The following BMP1 variants were observed in gnomAD, a reference collection of about 807,000 sequenced individuals.
BMP1 encodes the protein bone morphogenetic protein 1, also known as mammalian tolloid protein.
A neutral mutation model predicts 116.8 loss-of-function variants in BMP1; 63 were observed. That is an observed-to-expected ratio of 0.54 (90% CI 0.44 to 0.67). The LOEUF is 0.67. Among genes scored for constraint, BMP1 ranks in the 30% least tolerant of loss-of-function variants. BMP1 has a pLI of 0.00. For missense variants in BMP1, 1,183 were observed against 1,358.9 expected, an observed-to-expected ratio of 0.87 and a Z score of 2.04; for synonymous variants, 536 against 533.4, an observed-to-expected ratio of 1.00 and a Z score of -0.07.
At chr8:22,177,584 C>G in intron 5 of BMP1, 1 of 747,730 alleles carries the variant, frequency 1.3e-6, no homozygotes, top group Non-Finnish European at 2.5e-6. Context: ...CCACTCTTCA[C>G]TGCTCCTTCT....
At chr8:22,188,417 G>A (rs1226718990) in intron 8 of BMP1, among the ~76,000 whole-genome samples, 5 of 151,974 alleles carry the variant, frequency 3.3e-5, no homozygotes, top group Admixed American at 2.0e-4. Flanking sequence ...CGATCCTTCC[G>A]CCTCAGTCAC....
intron 15 of BMP1, chr8:22,201,082 C>G: frequency 6.2e-7 from 1 of 1,601,880 alleles, no homozygotes; most frequent in Non-Finnish European, 8.5e-7. Context: ...CACCCCCACC[C>G]CTTGGTCCCT....
intron 2 of BMP1, among the ~76,000 whole-genome samples, 196 bp downstream of exon 2, chr8:22,173,911 A>G (rs573394303): frequency 3.7e-4 from 57 of 152,358 alleles, no homozygotes; most frequent in African/African-American, 1.3e-3. Flanking sequence ...ATCCCCAGCA[A>G]CTAAGAACTG....
At position 22,194,795 on chromosome 8, in the gene BMP1, C is replaced by T; in HGVS notation, c.1515C>T (p.Leu505=). ...VRDGHSESST[L]IGRYCGYEKP... ...ACGGGCACAGTGAGAGCAGCACCCT[C>T]ATCGGGCGCTACTGTGGCTATGAGA... The change falls in exon 12 of 20, where the codon CTC becomes CTT. Residue 505 remains leucine (L), a synonymous_variant. Transcript: ENST00000306385. This position sits in a 1 kb window ranked among gnomAD's most constrained non-coding sequence, Gnocchi z 4.5. The T allele has an allele frequency of 1.2e-6, 2 of 1,613,840 alleles. No individual in the cohort carries two copies. Among genetic ancestry groups the T allele is most frequent in the Non-Finnish European group, 1.7e-6 (2 of 1,179,916 alleles).
intron 15 of BMP1, among the ~76,000 whole-genome samples, chr8:22,200,093 C>T (rs552200594): frequency 6.6e-6 from 1 of 152,328 alleles, no homozygotes; most frequent in African/African-American, 2.4e-5. Flanking sequence ...CACTGGATCC[C>T]TCATCTTCCC....
In BMP1 at chr8:22,192,070, C is replaced by T. The variant is rs1370616884; in HGVS notation, c.1099C>T (p.Leu367=). The change falls in exon 9 of 20, where the codon CTG becomes TTG. Residue 367 remains leucine (L), a synonymous_variant. Coordinates refer to ENST00000306385, the MANE Select transcript of BMP1 (RefSeq NM_006129.5). ...GEKIILNFTS[L]DLYRSRLCWY... The stretch of plus-strand genomic sequence containing the variant: ...CTAGATCATCCTGAACTTCACGTCC[C>T]TGGACCTGTACCGCAGCCGCCTGTG... 1.9e-6 allele frequency: 3 copies of T among 1,613,938 alleles called. No homozygotes were observed. The highest frequency in any genetic ancestry group is 2.2e-5 in the East Asian group (1 of 44,876).
intron 8 of BMP1, among the ~76,000 whole-genome samples, chr8:22,183,092 C>G (rs569736691): frequency 6.6e-6 from 1 of 152,156 alleles, no homozygotes; most frequent in East Asian, 1.9e-4. Flanking sequence ...AAAAGTGAAC[C>G]CATTCTTCCT....
rs186406729 is a variant in BMP1, at chr8:22,170,340, G to C, written c.149-3262G>C. On this transcript the variant is annotated intron_variant, in intron 1 of 19. Coordinates refer to ENST00000306385, the MANE Select transcript of BMP1 (RefSeq NM_006129.5). ...AGCTGACTTTGAGCTTACGGGTTGT[G>C]TTGGGATAATATTAAAGTGGCTGGT... is the stretch of plus-strand genomic sequence containing the variant. The C allele has an allele frequency of 5.2e-5, 8 of 152,638 alleles. No homozygotes were observed. The East Asian group carries it at 1.5e-3, about 29-fold the overall frequency. The allele number at this position is 152,638 out of a possible 1,614,324, so 9.5% of individuals were successfully genotyped here.
At chr8:22,204,617 G>A (rs1829318938) in intron 16 of BMP1, among the ~76,000 whole-genome samples, 2 of 152,176 alleles carry the variant, frequency 1.3e-5, no homozygotes, top group Non-Finnish European at 1.5e-5. Flanking sequence ...CAACTGCTTG[G>A]GAGGCTGAGG....
chr8:22,196,586 C>T (rs1191840048), intron 13 of BMP1, 94 bp from the exon 14 acceptor site: 19 of 1,573,428 alleles, frequency 1.2e-5, no homozygotes, highest in Non-Finnish European at 1.6e-5. Context: ...CCACAGGCTC[C>T]CCATCTTCTC....
At chr8:22,196,009 C>T (rs945593587) in intron 13 of BMP1, among the ~76,000 whole-genome samples, 3 of 152,160 alleles carry the variant, frequency 2.0e-5, no homozygotes, top group African/African-American at 7.2e-5. Flanking sequence ...ACACTCTTTT[C>T]ATAGCTCATG....
chr8:22,196,270 G>A, intron 13 of BMP1: 1 of 538,408 alleles, frequency 1.9e-6, no homozygotes, highest in Non-Finnish European at 3.7e-6. Flanking sequence ...GCTGGGGACA[G>A]CACTCCGAGG....
chr8:22,195,442 C>A lies in BMP1; in HGVS notation c.1640-20C>A, dbSNP rs745970735. On this transcript the variant is annotated intron_variant, in intron 12 of 19. Transcript: ENST00000306385. Reference sequence around the variant, plus strand: ...CCTTGAATGCCTGGAGTCTGTGACACCCTTTCCTTCCCACCACAGAGGTGG... The same window carrying A: ...CCTTGAATGCCTGGAGTCTGTGACAACCTTTCCTTCCCACCACAGAGGTGG... 1.4e-5 allele frequency: 23 copies of A among 1,590,632 alleles called. No homozygotes were observed. The highest frequency in any genetic ancestry group is 9.5e-5 in the African/African-American group (7 of 73,420).
chr8:22,199,404 T>C (rs770617520), intron 15 of BMP1: 51 of 1,264,076 alleles, frequency 4.0e-5, no homozygotes, highest in Non-Finnish European at 5.2e-5. Context: ...GCCATCTCCT[T>C]GCCTGGGCCC....
In BMP1 at chr8:22,194,414, C is replaced by T; in HGVS notation, c.1298-31C>T. On this transcript the variant is annotated intron_variant, in intron 10 of 19. Coordinates refer to ENST00000306385, the MANE Select transcript of BMP1 (RefSeq NM_006129.5). This position sits in a 1 kb window ranked among gnomAD's most constrained non-coding sequence, Gnocchi z 4.5. ...CAGGGCAAAGCATGCTGACTCACCA[C>T]CCCTTCCCACCCCATCCTGTGTCCC... 6.2e-7 allele frequency: 1 copy of T among 1,612,654 alleles called. No individual in the cohort carries two copies. The highest frequency in any genetic ancestry group is 8.5e-7 in the Non-Finnish European group (1 of 1,179,120).
In BMP1 at chr8:22,165,472, C is replaced by G; in HGVS notation, c.67C>G (p.Leu23Val). 6.3e-7 allele frequency: 1 copy of G among 1,583,946 alleles called. No individual in the cohort carries two copies. Among genetic ancestry groups the G allele is most frequent in the Admixed American group, 1.8e-5 (1 of 56,380 alleles). The change falls in exon 1 of 20, where the codon CTG becomes GTG. Residue 23 changes from leucine (L) to valine (V), a missense_variant. Coordinates refer to ENST00000306385, the MANE Select transcript of BMP1 (RefSeq NM_006129.5). The stretch of plus-strand genomic sequence containing the variant: ...GCTGCTCCCGCGTCCCGGCCGGCCG[C>G]TGGACTTGGCCGACTACACCTATGA... ...LLLLPRPGRP[L>V]DLADYTYDLA... is the part of the protein sequence containing the mutation.
chr8:22,173,504 T>G, intron 1 of BMP1, 98 bp from the exon 2 acceptor site: 1 of 757,040 alleles, frequency 1.3e-6, no homozygotes, highest in Non-Finnish European at 2.1e-6. Context: ...GCTGTGGAGG[T>G]TGGGGGCTGG....
intron 6 of BMP1, among the ~76,000 whole-genome samples, chr8:22,178,762 C>T (rs1360030899): frequency 2.0e-5 from 3 of 152,094 alleles, no homozygotes; most frequent in African/African-American, 7.2e-5. Context: ...CAAGATTCTC[C>T]TTAGCAGTGT....
At chr8:22,176,916 T>C in intron 4 of BMP1, 45 bp from the exon 5 acceptor site, 1 of 1,261,034 alleles carries the variant, frequency 7.9e-7, no homozygotes, top group Non-Finnish European at 1.1e-6. Flanking sequence ...GTGGATGCAC[T>C]CCCCCAGCTC....
Sources: gnomAD v4.1 joint callset for allele counts (sites outside exome capture counted in the v4.1 genomes callset) on GRCh38, gnomAD v4.1.1 for gene constraint, Gnocchi (gnomAD v3.1) non-coding constraint, MANE v1.5 for transcripts, NCBI Gene and HGNC (gene_info 2026-07-23, HGNC 2026-07-21) for gene names.